The following DNAH9 variants were observed in gnomAD, a reference collection of about 807,000 sequenced individuals.
DNAH9 encodes the protein dynein axonemal heavy chain 9, also known as DNAH9 variant protein.
Under a neutral mutation model 471.6 loss-of-function variants are expected in DNAH9, and 345 were observed. That is an observed-to-expected ratio of 0.73 (90% CI 0.67 to 0.80). DNAH9 has a LOEUF of 0.80. DNAH9 is among the 30% of genes least tolerant of loss of function. The probability of loss-of-function intolerance (pLI) is 0.00; values close to 1 mark genes in which losing one functional copy is unlikely to be tolerated. For synonymous variants in DNAH9, 2,093 were observed against 2,123.6 expected, an observed-to-expected ratio of 0.99 and a Z score of 0.40; for missense variants, 5,407 against 5,609.2, an observed-to-expected ratio of 0.96 and a Z score of 1.15.
At chr17:11,967,818 T>C (rs73980541) in intron 68 of DNAH9, among the ~76,000 whole-genome samples, 6,894 of 152,074 alleles carry the variant, frequency 0.045, 549 homozygotes, top group African/African-American at 0.16. Flanking sequence ...TCAGACAAAA[T>C]AGACTTTATA....
rs143233188 is a variant in DNAH9 at position 11,619,833 on chromosome 17, C to T, written c.1350+52C>T. 380 of 1,062,146 alleles carry T rather than the reference C, an allele frequency of 3.6e-4. 1 individual carries two copies. In the African/African-American group the frequency reaches 4.7e-3, roughly 13 times the overall value. The allele number at this position is 1,062,146 out of a possible 1,614,324, so 65.8% of individuals were successfully genotyped here. On this transcript the variant is annotated intron_variant, in intron 6 of 68. Coordinates refer to ENST00000262442, the MANE Select transcript of DNAH9 (RefSeq NM_001372.4). ...CCAGCCCCAGACAGAAAGAAGCAGT[C>T]CAGGGGTCCAAAAAGTGGAATAGGA...
chr17:11,948,608 C>T (rs1158745510), intron 67 of DNAH9, among the ~76,000 whole-genome samples: 3 of 152,184 alleles, frequency 2.0e-5, no homozygotes, highest in Non-Finnish European at 2.9e-5. Context: ...TGCTATGGCC[C>T]TTTCATCCCC....
Position 11,853,593 on chromosome 17 carries a change from A to G in DNAH9, c.9508-410A>G, listed in dbSNP as rs181570004. ...ATGGAACAAAGCAGTTTAATTAAGG[A>G]AAAAAAAATTACTTGGGTTACAGTG... On this transcript the variant is annotated intron_variant, in intron 49 of 68. Coordinates refer to ENST00000262442, the MANE Select transcript of DNAH9 (RefSeq NM_001372.4). Among the ~76,000 whole-genome samples, 71 of 151,850 alleles carry G rather than the reference A, an allele frequency of 4.7e-4. 1 individual carries two copies. In the East Asian group the frequency reaches 9.1e-3, roughly 19 times the overall value.
chr17:11,704,302 A>G lies in DNAH9; in HGVS notation c.5251A>G (p.Lys1751Glu). The part of the protein sequence containing the change: ...GYESAMKDYY[K>E]KQVAQLKTLI... The stretch of plus-strand genomic sequence containing the variant: ...TGAGAGTGCCATGAAGGACTATTAT[A>G]AGAAGCAAGTGGCCCAGCTCAAAAC... The change falls in exon 25 of 69, where the codon AAG becomes GAG. Residue 1751 changes from lysine to glutamate, a missense_variant. Lys to Glu is a moderately conservative substitution (Grantham distance 56, BLOSUM62 1). Transcript: ENST00000262442. 1 of 1,614,180 alleles carries G rather than the reference A, an allele frequency of 6.2e-7. No individual in the cohort carries two copies. The highest frequency in any genetic ancestry group is 8.5e-7 in the Non-Finnish European group (1 of 1,180,020).
At position 11,669,350 on chromosome 17, in the gene DNAH9, C is replaced by G. The variant is rs1462569866; in HGVS notation, c.2929-20C>G. 1 of 1,603,036 alleles carries G rather than the reference C, an allele frequency of 6.2e-7. No individual in the cohort carries two copies. Among genetic ancestry groups the G allele is most frequent in the Non-Finnish European group, 8.5e-7 (1 of 1,173,852 alleles). On this transcript the variant is annotated intron_variant, in intron 16 of 68. Coordinates refer to ENST00000262442, the MANE Select transcript of DNAH9 (RefSeq NM_001372.4). ...GCCACACACTGGTGTAACCTGCCTG[C>G]CGTTGTCTCGCTTCCCCAGGTCGAC... is the stretch of plus-strand genomic sequence containing the variant.
chr17:11,944,691 C>T (rs925436711), intron 67 of DNAH9, among the ~76,000 whole-genome samples: 1 of 152,180 alleles, frequency 6.6e-6, no homozygotes, highest in South Asian at 2.1e-4. Flanking sequence ...TTAGGACCAT[C>T]CCCCAAGCTG....
At chr17:11,947,770 C>CTTT (rs1567569867) in intron 67 of DNAH9, among the ~76,000 whole-genome samples, 2 of 98,584 alleles carry the variant, frequency 2.0e-5, no homozygotes, top group African/African-American at 7.4e-5. Context: ...GGGCTGGGAA[C>CTTT]TATTTTTTTT....
chr17:11,904,860 T>C (rs1973533331), intron 60 of DNAH9, among the ~76,000 whole-genome samples: 1 of 152,028 alleles, frequency 6.6e-6, no homozygotes, highest in South Asian at 2.1e-4. Context: ...CTATGAAGAT[T>C]TGTTCAGCAT....
intron 61 of DNAH9, among the ~76,000 whole-genome samples, chr17:11,922,160 C>A (rs1056299641): frequency 1.3e-5 from 2 of 152,184 alleles, no homozygotes; most frequent in East Asian, 3.8e-4. Context: ...CATCATCTTG[C>A]GTTGTCCTGT....
chr17:11,783,551 C>T, intron 39 of DNAH9, 95 bp from the exon 40 acceptor site: 1 of 846,830 alleles, frequency 1.2e-6, no homozygotes, highest in Non-Finnish European at 1.9e-6. Flanking sequence ...CACCCAAACA[C>T]ATGAACAGTA....
chr17:11,843,730 G>T (rs912576577), intron 49 of DNAH9, among the ~76,000 whole-genome samples: 2 of 150,482 alleles, frequency 1.3e-5, no homozygotes, highest in Non-Finnish European at 3.0e-5. Context: ...AATCATATTT[G>T]CAAAAATAAT....
intron 61 of DNAH9, among the ~76,000 whole-genome samples, chr17:11,909,197 C>G (rs1973707381): frequency 6.6e-6 from 1 of 152,142 alleles, no homozygotes; most frequent in African/African-American, 2.4e-5. Context: ...TTTGTGGCCT[C>G]ACTGATTGGA....
intron 54 of DNAH9, among the ~76,000 whole-genome samples, chr17:11,880,514 C>G (rs578256564): frequency 6.6e-6 from 1 of 152,100 alleles, no homozygotes; most frequent in African/African-American, 2.4e-5. Flanking sequence ...CTTTTAAGTA[C>G]GAGCATCTTA....
At chr17:11,790,882 T>C (rs1208513105) in intron 41 of DNAH9, among the ~76,000 whole-genome samples, 1 of 152,178 alleles carries the variant, frequency 6.6e-6, no homozygotes, top group East Asian at 1.9e-4. Context: ...TTAGCATATT[T>C]ATTAATTGCC....
At chr17:11,606,070 A>C (rs973107413) in intron 1 of DNAH9, among the ~76,000 whole-genome samples, 5 of 152,316 alleles carry the variant, frequency 3.3e-5, no homozygotes, top group Admixed American at 2.6e-4. Context: ...CCTGGGTTCA[A>C]ATGGTTCTTT....
Position 11,784,397 on chromosome 17 carries a change from T to C in DNAH9, c.7919T>C (p.Phe2640Ser), listed in dbSNP as rs1415035616. 1 of 1,614,176 alleles carries C rather than the reference T, an allele frequency of 6.2e-7. No homozygotes were observed. The highest frequency in any genetic ancestry group is 1.1e-5 in the South Asian group (1 of 91,076). ...ACTCAGCATCTGAAGCTCGGAAACT[T>C]CCCGGCGTCCCTGCAGAAATCCATC... ...ILTQHLKLGN[F>S]PASLQKSIPP... The change falls in exon 41 of 69, where the codon TTC becomes TCC. Residue 2640 changes from phenylalanine to serine, a missense_variant. Coordinates refer to ENST00000262442, the MANE Select transcript of DNAH9 (RefSeq NM_001372.4).
At chr17:11,752,201 G>T (rs1967185159) in intron 32 of DNAH9, among the ~76,000 whole-genome samples, 1 of 152,196 alleles carries the variant, frequency 6.6e-6, no homozygotes, top group Non-Finnish European at 1.5e-5. Context: ...ATTAGAATCA[G>T]ATGGGCCGCT....
chr17:11,857,127 C>T (rs530336701), intron 50 of DNAH9, among the ~76,000 whole-genome samples: 1 of 152,282 alleles, frequency 6.6e-6, no homozygotes, highest in African/African-American at 2.4e-5. Flanking sequence ...AGACTCTTGA[C>T]TCAAGTTATT....
chr17:11,805,832 C>T (rs1969657892), intron 43 of DNAH9, among the ~76,000 whole-genome samples: 1 of 151,980 alleles, frequency 6.6e-6, no homozygotes, highest in Non-Finnish European at 1.5e-5. Context: ...GGATTACAGG[C>T]ATGAGCCACC....
Sources: allele counts gnomAD v4.1 joint callset (sites outside exome capture counted in the v4.1 genomes callset), GRCh38; gene constraint gnomAD v4.1.1; transcripts MANE v1.5; gene names NCBI Gene and HGNC (gene_info 2026-07-23, HGNC 2026-07-21).